KLHL17: variants seen among roughly 807,000 people sequenced by gnomAD.
KLHL17 encodes kelch-like protein 17.
In KLHL17, 71 loss-of-function variants were observed where a neutral mutation model predicts 64.6. That is an observed-to-expected ratio of 1.10 (90% CI 0.91 to 1.34). KLHL17 has a LOEUF of 1.34. Ranked by LOEUF, KLHL17 falls within the 40% of genes most tolerant of loss-of-function variation. KLHL17 has a pLI of 0.00. For synonymous variants in KLHL17, 612 were observed against 405.4 expected (o/e 1.51, Z -6.12); for missense variants, 1,140 against 935.0 (o/e 1.22, Z -2.86).
chr1:965,629 C>T lies in KLHL17; in HGVS notation c.*438C>T, dbSNP rs1348814107. 2 of 199,904 alleles carry T rather than the reference C, an allele frequency of 1.0e-5. No individual in the cohort carries two copies. The highest frequency in any genetic ancestry group is 2.0e-5 in the Non-Finnish European group (2 of 98,402). 12.4% of individuals were successfully genotyped at this position (199,904 alleles called of 1,614,324 possible). A position where few individuals can be genotyped will look rare whatever the true frequency, so the allele number is the denominator to read the frequency against. ...TCGTCGTCTGCCGTGTGCCATCTTT[C>T]CTGGATCTTGTAGTGGGTGCACACG... On this transcript the variant is annotated 3_prime_UTR_variant, in exon 12 of 12. Coordinates refer to ENST00000338591, the MANE Select transcript of KLHL17 (RefSeq NM_198317.3).
rs768272913 is a variant in KLHL17, at chr1:964,912, TC to T, written c.1701-45del. 8.2e-6 allele frequency: 11 copies of T among 1,340,500 alleles called. No homozygotes were observed. The African/African-American group carries it at 1.0e-4, about 12-fold the overall frequency. 83.0% of individuals were successfully genotyped at this position (1,340,500 alleles called of 1,614,324 possible). A position where few individuals can be genotyped will look rare whatever the true frequency, so the allele number is the denominator to read the frequency against. ...CCACCCCTTTTTGTGGTGCAGCCCCTCCCCCCGCATCCCTTCCTGCAGCCAG... is the reference window on the plus strand; with the variant it reads ...CCACCCCTTTTTGTGGTGCAGCCCCTCCCCCGCATCCCTTCCTGCAGCCAG... On this transcript the variant is annotated intron_variant, in intron 11 of 11. Transcript: ENST00000338591.
intron 1 of KLHL17, 29 bp from the exon 2 acceptor site, chr1:961,264 G>T: frequency 7.1e-7 from 1 of 1,416,002 alleles, no homozygotes; most frequent in Non-Finnish European, 9.1e-7. Flanking sequence ...CTCCAGCGGG[G>T]CGAAGCCTGA....
Position 961,838 on chromosome 1 carries a change from G to A in KLHL17, c.502G>A (p.Ala168Thr), listed in dbSNP as rs376949939. The A allele has an allele frequency of 2.5e-6, 4 of 1,610,422 alleles. No homozygotes were observed. The highest frequency in any genetic ancestry group is 3.4e-6 in the Non-Finnish European group (4 of 1,179,902). The change falls in exon 4 of 12, where the codon GCC (alanine) becomes ACC (threonine). Residue 168 changes from alanine to threonine, a missense_variant. Coordinates refer to ENST00000338591, the MANE Select transcript of KLHL17 (RefSeq NM_198317.3). ...CGGTGCCCCGTAGACTCTGCTCCCA[G>A]CCGCCAGTCTCCTGCAGCTGAATGG... The part of the protein sequence containing the change: ...GEGNVQTLLP[A>T]ASLLQLNGVR...
At position 960,643 on chromosome 1, in the gene KLHL17, T is replaced by TCCGTTAAGCCCGCGGGTCGAC; in HGVS notation, c.-33_-32insGACCCGTTAAGCCCGCGGGTC. 2.3e-6 allele frequency: 3 copies of TCCGTTAAGCCCGCGGGTCGAC among 1,304,898 alleles called. No homozygotes were observed. Among genetic ancestry groups the TCCGTTAAGCCCGCGGGTCGAC allele is most frequent in the Non-Finnish European group, 2.9e-6 (3 of 1,019,848 alleles). 80.8% of individuals were successfully genotyped at this position (1,304,898 alleles called of 1,614,324 possible). A position where few individuals can be genotyped will look rare whatever the true frequency, so the allele number is the denominator to read the frequency against. On this transcript the variant is annotated 5_prime_UTR_variant, in exon 1 of 12. Transcript: ENST00000338591. The stretch of plus-strand genomic sequence containing the variant: ...GAGCAGCCCTCCGGCAGTCTCCGCG[T>TCCGTTAAGCCCGCGGGTCGAC]CCGTTAAGCCCGCGGGTCCTCCGCG...
At position 963,275 on chromosome 1, in the gene KLHL17, G is replaced by A. The variant is rs367602312; in HGVS notation, c.1187+22G>A. 5 of 1,599,258 alleles carry A rather than the reference G, an allele frequency of 3.1e-6. No homozygotes were observed. The Middle Eastern group carries it at 5.0e-4, about 159-fold the overall frequency. ...GCGGGTAAGCCTGGAGGCTGGACTT[G>A]GGTCGGGTCTGGCACGTGCCCGCCA... On this transcript the variant is annotated intron_variant, in intron 7 of 11. Coordinates refer to ENST00000338591, the MANE Select transcript of KLHL17 (RefSeq NM_198317.3).
chr1:962,787 C>G lies in KLHL17; in HGVS notation c.912C>G (p.His304Gln). 1.2e-6 allele frequency: 2 copies of G among 1,611,170 alleles called. No individual in the cohort carries two copies. The highest frequency in any genetic ancestry group is 1.7e-5 in the Admixed American group (1 of 59,962). ...HVDAESLVRHHPDCKDLLIEA... is the reference protein window; with the variant it reads ...HVDAESLVRHQPDCKDLLIEA... ...ATGCCGAGAGCCTGGTGAGGCACCA[C>G]CCTGACTGCAAGGACCTCCTCATCG... is the stretch of plus-strand genomic sequence containing the variant. The change falls in exon 6 of 12, where the codon CAC becomes CAG. Residue 304 changes from histidine to glutamine, a missense_variant. Physicochemically the swap from His to Gln is conservative, Grantham distance 24. Transcript: ENST00000338591.
At chr1:962,558 T>A in intron 5 of KLHL17, 87 bp downstream of exon 5, 1 of 1,556,820 alleles carries the variant, frequency 6.4e-7, no homozygotes, top group Non-Finnish European at 8.7e-7. Flanking sequence ...CTTCCCCGAG[T>A]TCAGGGACTC....
Position 962,346 on chromosome 1 carries a change from CA to C in KLHL17, c.712-8del. 1.2e-6 allele frequency: 2 copies of C among 1,612,456 alleles called. No homozygotes were observed. The highest frequency in any genetic ancestry group is 1.6e-4 in the Middle Eastern group (1 of 6,062). On this transcript the variant is annotated splice_polypyrimidine_tract_variant and splice_region_variant and intron_variant, in intron 4 of 11. Coordinates refer to ENST00000338591, the MANE Select transcript of KLHL17 (RefSeq NM_198317.3). Reference sequence around the variant, plus strand: ...CCCAGATCTCAGGTCTGAGGACCCCCACTCCCAGGTTCTGGAACTGGTCTCT... The same window carrying C: ...CCCAGATCTCAGGTCTGAGGACCCCCCTCCCAGGTTCTGGAACTGGTCTCT...
In KLHL17 at chr1:961,372, G is replaced by A. The variant is rs1420293206; in HGVS notation, c.187G>A (p.Glu63Lys). The A allele has an allele frequency of 6.3e-7, 1 of 1,599,172 alleles. No homozygotes were observed. Among genetic ancestry groups the A allele is most frequent in the Non-Finnish European group, 8.5e-7 (1 of 1,174,798 alleles). Reference protein sequence around the residue: ...MEGAVQLLSREGHSVAHNSKR... With the variant: ...MEGAVQLLSRKGHSVAHNSKR... ...GGGAGCCGTGCAGCTGCTGAGCCGC[G>A]AGGGCCACAGCGTGGCCCACAACTC... Residue 63 changes from glutamate to lysine, a missense_variant, in exon 2 of 12, where the codon GAG becomes AAG. Coordinates refer to ENST00000338591, the MANE Select transcript of KLHL17 (RefSeq NM_198317.3).
rs770775850 is a variant in KLHL17 at position 961,662 on chromosome 1, C to G, written c.401C>G (p.Thr134Arg). ...EMSESRQTHV[T>R]LHDIDPQALD... ...AGCGAGAGCCGCCAGACCCACGTGA[C>G]GCTGCACGACATCGACCCTCAGGCC... The change falls in exon 3 of 12, where the codon ACG becomes AGG. Residue 134 changes from threonine (T) to arginine (R), a missense_variant. Physicochemically the swap from Thr to Arg is moderately conservative, Grantham distance 71. Coordinates refer to ENST00000338591, the MANE Select transcript of KLHL17 (RefSeq NM_198317.3). The G allele has an allele frequency of 1.1e-5, 17 of 1,612,614 alleles. No individual in the cohort carries two copies. The South Asian group carries it at 1.1e-4, about 10-fold the overall frequency.
rs1642754504 is a variant in KLHL17 at position 963,523 on chromosome 1, C to T, written c.1355+19C>T. On this transcript the variant is annotated intron_variant, in intron 8 of 11. Transcript: ENST00000338591. Reference sequence around the variant, plus strand: ...TGAACAGGTAGTTGGGGTTGGGGCCCCAGTGGCTTTGTACAGTCCATCTGC... The same window carrying T: ...TGAACAGGTAGTTGGGGTTGGGGCCTCAGTGGCTTTGTACAGTCCATCTGC... The T allele has an allele frequency of 6.3e-7, 1 of 1,596,642 alleles. No homozygotes were observed. Among genetic ancestry groups the T allele is most frequent in the Non-Finnish European group, 8.5e-7 (1 of 1,170,588 alleles).
rs1246184393 is a variant in KLHL17 at position 963,266 on chromosome 1, G to A, written c.1187+13G>A. 1.9e-6 allele frequency: 3 copies of A among 1,599,286 alleles called. No individual in the cohort carries two copies. Among genetic ancestry groups the A allele is most frequent in the Non-Finnish European group, 8.6e-7 (1 of 1,169,286 alleles). On this transcript the variant is annotated intron_variant, in intron 7 of 11. Coordinates refer to ENST00000338591, the MANE Select transcript of KLHL17 (RefSeq NM_198317.3). ...ATGCTGTGGGCGGGTAAGCCTGGAG[G>A]CTGGACTTGGGTCGGGTCTGGCACG...
At chr1:964,738 G>C (rs1475606679) in intron 11 of KLHL17, among the ~76,000 whole-genome samples, 2 of 6,530 alleles carry the variant, frequency 3.1e-4, no homozygotes, top group Admixed American at 8.1e-4. Context: ...CTGCCGGGAG[G>C]GGGGCGCGGG....
rs758033432 is a variant in KLHL17 at position 962,800 on chromosome 1, G to A, written c.925G>A (p.Asp309Asn). The A allele has an allele frequency of 5.0e-6, 8 of 1,610,566 alleles. No individual in the cohort carries two copies. Among genetic ancestry groups the A allele is most frequent in the East Asian group, 2.2e-5 (1 of 44,876 alleles). The change falls in exon 6 of 12, where the codon GAC becomes AAC. Residue 309 changes from aspartate to asparagine, a missense_variant. By Grantham distance (23) the Asp-to-Asn change is conservative. Coordinates refer to ENST00000338591, the MANE Select transcript of KLHL17 (RefSeq NM_198317.3). ...SLVRHHPDCK[D>N]LLIEALKFHL... ...GGTGAGGCACCACCCTGACTGCAAGGACCTCCTCATCGAGGCCCTGAAGTT... is the reference window on the plus strand; with the variant it reads ...GGTGAGGCACCACCCTGACTGCAAGAACCTCCTCATCGAGGCCCTGAAGTT...
chr1:962,277 C>T (rs570599402), intron 4 of KLHL17, 78 bp from the exon 5 acceptor site: 38 of 1,605,468 alleles, frequency 2.4e-5, no homozygotes, highest in South Asian at 5.6e-5. Flanking sequence ...TGCTAACCCT[C>T]CCTCCTAGGC....
chr1:963,818 C>T, intron 8 of KLHL17, 102 bp from the exon 9 acceptor site: 1 of 1,321,624 alleles, frequency 7.6e-7, no homozygotes, highest in Non-Finnish European at 1.1e-6. Flanking sequence ...GAGTTTGACT[C>T]CTAGGGTAAG....
rs150067459 is a variant in KLHL17 at position 965,148 on chromosome 1, C to A, written c.1886C>A (p.Pro629Gln). 1.2e-6 allele frequency: 2 copies of A among 1,612,578 alleles called. No homozygotes were observed. The highest frequency in any genetic ancestry group is 1.1e-5 in the South Asian group (1 of 91,078). Reference protein sequence around the residue: ...VAVLELLNFPPPSSPTLSVSS... With the variant: ...VAVLELLNFPQPSSPTLSVSS... Reference sequence around the variant, plus strand: ...GTGCTGGAGCTGCTCAATTTCCCGCCGCCATCCTCCCCGACGCTGTCCGTG... The same window carrying A: ...GTGCTGGAGCTGCTCAATTTCCCGCAGCCATCCTCCCCGACGCTGTCCGTG... Residue 629 changes from proline to glutamine, a missense_variant, in exon 12 of 12, where the codon CCG becomes CAG. Transcript: ENST00000338591.
Position 963,357 on chromosome 1 carries a change from T to G in KLHL17, c.1208T>G (p.Leu403Arg), listed in dbSNP as rs1468288262. ...GCTAGCTATGATGGGACCTCAGACC[T>G]GGCTACCGTGGAGTCCTACGACCCC... Reference protein sequence around the residue: ...AVGGYDGTSDLATVESYDPVT... With the variant: ...AVGGYDGTSDRATVESYDPVT... The change falls in exon 8 of 12, where the codon CTG becomes CGG. Residue 403 changes from leucine to arginine, a missense_variant. Leu to Arg is a moderately radical substitution (Grantham distance 102). Transcript: ENST00000338591. 2.5e-6 allele frequency: 4 copies of G among 1,610,780 alleles called. No homozygotes were observed. Among genetic ancestry groups the G allele is most frequent in the Non-Finnish European group, 3.4e-6 (4 of 1,178,512 alleles).
In KLHL17 at chr1:961,716, C is replaced by T. The variant is rs1193417288; in HGVS notation, c.455C>T (p.Thr152Met). 4 of 1,612,060 alleles carry T rather than the reference C, an allele frequency of 2.5e-6. No individual in the cohort carries two copies. Among genetic ancestry groups the T allele is most frequent in the East Asian group, 4.5e-5 (2 of 44,814 alleles). The stretch of plus-strand genomic sequence containing the variant: ...GACCAGCTGGTGCAGTTTGCCTACA[C>T]GGCTGAGATTGTGGTGGGCGAGGGC... ...ALDQLVQFAY[T>M]AEIVVGEGNV... The change falls in exon 3 of 12, where the codon ACG becomes ATG. Residue 152 changes from threonine (T) to methionine (M), a missense_variant. Coordinates refer to ENST00000338591, the MANE Select transcript of KLHL17 (RefSeq NM_198317.3).
Sources: gnomAD v4.1 joint callset for allele counts (sites outside exome capture counted in the v4.1 genomes callset) on GRCh38, gnomAD v4.1.1 for gene constraint, MANE v1.5 for transcripts, NCBI Gene and HGNC (gene_info 2026-07-23, HGNC 2026-07-21) for gene names.